The following CTNNA2 variants were observed in gnomAD, a reference collection of about 807,000 sequenced individuals.
CTNNA2 encodes catenin alpha-2.
A neutral mutation model predicts 101.0 loss-of-function variants in CTNNA2; 42 were observed. That is an observed-to-expected ratio of 0.42 (90% confidence interval 0.32 to 0.54). CTNNA2 has a LOEUF of 0.54. CTNNA2 is among the 20% of genes least tolerant of loss of function. CTNNA2 has a pLI of 0.14. For synonymous variants in CTNNA2, 450 were observed against 456.4 expected, an observed-to-expected ratio of 0.99 and a Z score of 0.18; for missense variants, 871 against 1,223.1, an observed-to-expected ratio of 0.71 and a Z score of 4.29.
At chr2:80,407,308 GT>G (rs1679160063) in intron 8 of CTNNA2, among the ~76,000 whole-genome samples, 1 of 152,172 alleles carries the variant, frequency 6.6e-6, no homozygotes, top group Non-Finnish European at 1.5e-5. Context: ...CAGATGCTTG[GT>G]TATAAGTAAG....
chr2:80,613,645 T>C (rs1698636230), intron 17 of CTNNA2, among the ~76,000 whole-genome samples: 2 of 151,412 alleles, frequency 1.3e-5, no homozygotes, highest in African/African-American at 2.4e-5. Context: ...AAATCAGTTA[T>C]TCATTGATGG....
intron 7 of CTNNA2, among the ~76,000 whole-genome samples, chr2:80,350,026 G>A (rs1168007848): frequency 6.6e-6 from 1 of 152,162 alleles, no homozygotes; most frequent in Non-Finnish European, 1.5e-5. Flanking sequence ...ATTCTAGGAA[G>A]ATATTTAAAA....
chr2:80,218,608 G>A (rs1310857616), intron 7 of CTNNA2, among the ~76,000 whole-genome samples: 1 of 152,166 alleles, frequency 6.6e-6, no homozygotes, highest in Non-Finnish European at 1.5e-5. Context: ...CCTCTATTAG[G>A]CTCAGTTCTC....
At chr2:80,556,445 G>A (rs1223803882) in intron 12 of CTNNA2, among the ~76,000 whole-genome samples, 2 of 152,180 alleles carry the variant, frequency 1.3e-5, no homozygotes, top group African/African-American at 2.4e-5. Flanking sequence ...CAAAGAGTTA[G>A]GCTTTCAGCA....
At chr2:79,201,449 C>A (rs1379660078) in intron 2 of CTNNA2, among the ~76,000 whole-genome samples, 10 of 151,986 alleles carry the variant, frequency 6.6e-5, no homozygotes, top group Non-Finnish European at 1.5e-4. Flanking sequence ...ATTCACCTTC[C>A]TTCCCTGTTG....
intron 4 of CTNNA2, among the ~76,000 whole-genome samples, chr2:79,463,722 A>G (rs1009167972): frequency 1.3e-5 from 2 of 152,200 alleles, no homozygotes; most frequent in Non-Finnish European, 2.9e-5. Flanking sequence ...GAAGTTCTCA[A>G]CAGATCATTC....
chr2:79,635,619 T>C (rs1448634812), intron 1 of CTNNA2, among the ~76,000 whole-genome samples: 1 of 149,384 alleles, frequency 6.7e-6, no homozygotes, highest in Non-Finnish European at 1.5e-5. Flanking sequence ...TTTTCCTGCC[T>C]CACCCTCCCA....
At chr2:79,826,731 G>A (rs76079090) in intron 3 of CTNNA2, among the ~76,000 whole-genome samples, 33 of 152,140 alleles carry the variant, frequency 2.2e-4, no homozygotes, top group African/African-American at 7.5e-4. Flanking sequence ...TTTCAACAAG[G>A]GCTCTGTGTG....
intron 4 of CTNNA2, among the ~76,000 whole-genome samples, chr2:79,382,399 G>T (rs777927010): frequency 1.3e-5 from 2 of 151,824 alleles, no homozygotes; most frequent in Non-Finnish European, 2.9e-5. Context: ...TCTCTGTCTG[G>T]GTATGTGTGT....
chr2:79,442,988 G>C (rs1308165537), intron 4 of CTNNA2, among the ~76,000 whole-genome samples: 1 of 152,100 alleles, frequency 6.6e-6, no homozygotes, highest in Non-Finnish European at 1.5e-5. Flanking sequence ...TAATATGTCA[G>C]AAGTGAGGCT....
chr2:79,812,860 G>A (rs114552284), intron 3 of CTNNA2, among the ~76,000 whole-genome samples: 3,851 of 152,146 alleles, frequency 0.025, 151 homozygotes, highest in African/African-American at 0.086. Flanking sequence ...AGTAGGTCAT[G>A]CCAACTTCCC....
intron 8 of CTNNA2, among the ~76,000 whole-genome samples, chr2:80,418,373 C>T (rs951982261): frequency 6.6e-6 from 1 of 152,184 alleles, no homozygotes; most frequent in Admixed American, 6.5e-5. Context: ...TAATAACCAA[C>T]ATTATCCCAG....
intron 18 of CTNNA2, among the ~76,000 whole-genome samples, chr2:80,642,928 A>T (rs1345213408): frequency 6.6e-6 from 1 of 152,142 alleles, no homozygotes; most frequent in Non-Finnish European, 1.5e-5. Flanking sequence ...TTAGAAGTTG[A>T]GTGGTATTAA....
intron 4 of CTNNA2, among the ~76,000 whole-genome samples, chr2:79,868,075 G>T (rs1380511566): frequency 1.3e-5 from 2 of 152,094 alleles, no homozygotes; most frequent in East Asian, 3.9e-4. Flanking sequence ...TGACTTGGGT[G>T]CCTAAAAAAC....
intron 7 of CTNNA2, among the ~76,000 whole-genome samples, chr2:80,140,250 C>A (rs1281008356): frequency 6.6e-6 from 1 of 152,112 alleles, no homozygotes; most frequent in Non-Finnish European, 1.5e-5. Flanking sequence ...GGAGGTGATA[C>A]CAATTGACTT....
intron 3 of CTNNA2, among the ~76,000 whole-genome samples, chr2:79,314,004 G>T (rs1194649846): frequency 3.9e-5 from 6 of 152,220 alleles, no homozygotes; most frequent in Non-Finnish European, 7.4e-5. Flanking sequence ...GCCTTCCTAG[G>T]TGTGCTCTTT....
At chr2:79,201,674 C>G (rs1674037396) in intron 2 of CTNNA2, among the ~76,000 whole-genome samples, 1 of 151,946 alleles carries the variant, frequency 6.6e-6, no homozygotes, top group African/African-American at 2.4e-5. Flanking sequence ...AGCAAATTGT[C>G]CTACTGGTTT....
chr2:79,639,559 C>T (rs1470859203), intron 1 of CTNNA2, among the ~76,000 whole-genome samples: 1 of 151,956 alleles, frequency 6.6e-6, no homozygotes, highest in Non-Finnish European at 1.5e-5. Context: ...GGACATAAGT[C>T]CTCATTAAAA....
intron 1 of CTNNA2, among the ~76,000 whole-genome samples, chr2:79,636,368 C>A (rs74795546): frequency 0.057 from 8,605 of 150,384 alleles, 711 homozygotes; most frequent in African/African-American, 0.18. Flanking sequence ...TGAATGAGAC[C>A]ACACGGGCAC....
Sources: allele counts gnomAD v4.1 joint callset (sites outside exome capture counted in the v4.1 genomes callset), GRCh38; gene constraint gnomAD v4.1.1; transcripts MANE v1.5; gene names NCBI Gene and HGNC (gene_info 2026-07-23, HGNC 2026-07-21).